Variants in RAB44 observed in about 807,000 individuals in gnomAD.
RAB44 encodes RAB44, member RAS oncogene family, also known as ras-related protein Rab-44.
In RAB44, 67 loss-of-function variants were observed where a neutral mutation model predicts 93.3. That is an observed-to-expected ratio of 0.72 (90% CI 0.59 to 0.88). RAB44 has a LOEUF of 0.88. Ranked by LOEUF, RAB44 falls within the 40% of genes least tolerant of loss-of-function variation. The pLI, the probability that RAB44 is intolerant of heterozygous loss-of-function variation, is 0.00. For synonymous variants in RAB44, 427 were observed against 520.3 expected (o/e 0.82, Z 2.44); for missense variants, 1,064 against 1,261.7 (o/e 0.84, Z 2.37).
In RAB44 at chr6:36,715,928, C is replaced by T. The variant is rs543835309; in HGVS notation, c.494+275C>T. ...GAGTCCTTCCCACCCCTGCACCTCC[C>T]GGCCCTGTCCTGCCCTGTAGGGTCA... On this transcript the variant is annotated intron_variant, in intron 4 of 13. Transcript: ENST00000612677. Among the ~76,000 whole-genome samples the T allele has an allele frequency of 5.9e-5, 9 of 152,302 alleles. No individual in the cohort carries two copies. The East Asian group carries it at 7.7e-4, about 13-fold the overall frequency.
rs1304569179 is a variant in RAB44, at chr6:36,697,884, G to A, written c.-44G>A. 1 of 152,382 alleles carries A rather than the reference G, an allele frequency of 6.6e-6. No homozygotes were observed. The highest frequency in any genetic ancestry group is 1.5e-5 in the Non-Finnish European group (1 of 68,164). 9.4% of individuals were successfully genotyped at this position (152,382 alleles called of 1,614,324 possible). A position where few individuals can be genotyped will look rare whatever the true frequency, so the allele number is the denominator to read the frequency against. ...CCCTACCACCAGGTCCCAGAGCCCA[G>A]GGCTGTGTGTTCCACTGGGAGCCTT... On this transcript the variant is annotated 5_prime_UTR_variant, in exon 1 of 14. Coordinates refer to ENST00000612677, the MANE Select transcript of RAB44 (RefSeq NM_001257357.2).
intron 2 of RAB44, among the ~76,000 whole-genome samples, chr6:36,707,882 T>A (rs1003442157): frequency 6.6e-6 from 1 of 152,190 alleles, no homozygotes; most frequent in Non-Finnish European, 1.5e-5. Context: ...AATTCTCTCC[T>A]GGGGTACAAT....
chr6:36,728,737 G>A lies in RAB44; in HGVS notation c.2834G>A (p.Gly945Glu). ...GATGGGGTGGTCATCCTTCTCCTGG[G>A]AAACAAGATGGACTGTGAGGAGGAA... ...GSDGVVILLLGNKMDCEEERQ... is the reference protein window; with the variant it reads ...GSDGVVILLLENKMDCEEERQ... Residue 945 changes from glycine to glutamate, a missense_variant, in exon 12 of 14, where the codon GGA becomes GAA. Physicochemically the swap from Gly to Glu is moderately conservative, Grantham distance 98. Transcript: ENST00000612677. 6.4e-7 allele frequency: 1 copy of A among 1,550,632 alleles called. No individual in the cohort carries two copies.
chr6:36,722,368 C>T lies in RAB44; in HGVS notation c.2234C>T (p.Ser745Phe). 7.4e-7 allele frequency: 1 copy of T among 1,348,106 alleles called. No individual in the cohort carries two copies. Among genetic ancestry groups the T allele is most frequent in the African/African-American group, 1.5e-5 (1 of 67,932 alleles). The allele number at this position is 1,348,106 out of a possible 1,614,324, so 83.5% of individuals were successfully genotyped here. A position where few individuals can be genotyped will look rare whatever the true frequency, so the allele number is the denominator to read the frequency against. ...TPGKSAPPRG[S>F]PPRGAQPGAG... ...GGAAAATCGGCACCTCCAAGGGGCTCTCCTCCCAGGGGGGCTCAGCCTGGG... is the reference window on the plus strand; with the variant it reads ...GGAAAATCGGCACCTCCAAGGGGCTTTCCTCCCAGGGGGGCTCAGCCTGGG... The change falls in exon 9 of 14, where the codon TCT becomes TTT. Residue 745 changes from serine to phenylalanine, a missense_variant. Transcript: ENST00000612677.
Position 36,730,680 on chromosome 6 carries a change from G to A in RAB44, c.2906G>A (p.Gly969Glu), listed in dbSNP as rs1035711426. 8.1e-7 allele frequency: 1 copy of A among 1,234,322 alleles called. No homozygotes were observed. The highest frequency in any genetic ancestry group is 1.0e-6 in the Non-Finnish European group (1 of 988,194). The allele number at this position is 1,234,322 out of a possible 1,614,324, so 76.5% of individuals were successfully genotyped here. A position where few individuals can be genotyped will look rare whatever the true frequency, so the allele number is the denominator to read the frequency against. Residue 969 changes from glycine to glutamate, a missense_variant, in exon 13 of 14, where the codon GGG becomes GAG. Transcript: ENST00000612677. ...EAGQQLAQEL[G>E]VYFGECSAAL... ...TCCCTGTCTGGCCTGCAGGAACTGG[G>A]GGTCTATTTTGGGGAGTGCAGTGCC...
At position 36,718,622 on chromosome 6, in the gene RAB44, G is replaced by A. The variant is rs1249335192; in HGVS notation, c.828+34G>A. 1.4e-5 allele frequency: 16 copies of A among 1,120,248 alleles called. No homozygotes were observed. The East Asian group carries it at 1.9e-4, about 13-fold the overall frequency. 69.4% of individuals were successfully genotyped at this position (1,120,248 alleles called of 1,614,324 possible). On this transcript the variant is annotated intron_variant, in intron 7 of 13. Transcript: ENST00000612677. The stretch of plus-strand genomic sequence containing the variant: ...TAGGGTTTCCCAGAAACCTACTTCC[G>A]AACAGGTCTTTAATATCTATGAACC...
At position 36,717,361 on chromosome 6, in the gene RAB44, A is replaced by C; in HGVS notation, c.583A>C (p.Thr195Pro). 2 of 1,232,140 alleles carry C rather than the reference A, an allele frequency of 1.6e-6. No homozygotes were observed. Among genetic ancestry groups the C allele is most frequent in the South Asian group, 4.1e-5 (1 of 24,310 alleles). 76.3% of individuals were successfully genotyped at this position (1,232,140 alleles called of 1,614,324 possible). The change falls in exon 5 of 14, where the codon ACC becomes CCC. Residue 195 changes from threonine to proline, a missense_variant. By Grantham distance (38) the Thr-to-Pro change is conservative. Coordinates refer to ENST00000612677, the MANE Select transcript of RAB44 (RefSeq NM_001257357.2). The surrounding 1 kb of genome is among the most constrained non-coding windows in gnomAD (Gnocchi z 4.1). The part of the protein sequence containing the change: ...GNLAGFLAKM[T>P]SRLQEAQADK... ...CCTGGCAGGCTTTCTGGCCAAGATGACCAGCCGCCTGCAGGAGGCCCAGGC... is the reference window on the plus strand; with the variant it reads ...CCTGGCAGGCTTTCTGGCCAAGATGCCCAGCCGCCTGCAGGAGGCCCAGGC...
intron 9 of RAB44, among the ~76,000 whole-genome samples, chr6:36,724,139 T>TTTTA (rs35704587): frequency 0.12 from 17,429 of 146,372 alleles, 1,131 homozygotes; most frequent in African/African-American, 0.16. Flanking sequence ...CATTATTTTA[T>TTTTA]TTTATTTATT....
Position 36,722,473 on chromosome 6 carries a change from C to A in RAB44, c.2339C>A (p.Thr780Lys), listed in dbSNP as rs750148205. 1.4e-5 allele frequency: 20 copies of A among 1,468,328 alleles called. No individual in the cohort carries two copies. Among genetic ancestry groups the A allele is most frequent in the Admixed American group, 2.4e-5 (1 of 41,482 alleles). 91.0% of individuals were successfully genotyped at this position (1,468,328 alleles called of 1,614,324 possible). Residue 780 changes from threonine (T) to lysine (K), a missense_variant, in exon 9 of 14, where the codon ACG (threonine) becomes AAG (lysine). By Grantham distance (78) the Thr-to-Lys change is moderately conservative. Transcript: ENST00000612677. ...GAAGCCCAACCCAGGCCATCCCTCACGACTGCTCACGCAGAAGAACAAGGC... is the reference window on the plus strand; with the variant it reads ...GAAGCCCAACCCAGGCCATCCCTCAAGACTGCTCACGCAGAAGAACAAGGC... ...EQEAQPRPSL[T>K]TAHAEEQGPP...
intron 2 of RAB44, among the ~76,000 whole-genome samples, chr6:36,712,514 A>G (rs1396932337): frequency 6.6e-6 from 1 of 152,056 alleles, no homozygotes; most frequent in African/African-American, 2.4e-5. Context: ...ACAGGCGCCC[A>G]CCACAATGCC....
chr6:36,728,693 T>C lies in RAB44; in HGVS notation c.2797-7T>C, dbSNP rs778605527. ...GGTGTGGCTGACAGAACATGTTCTG[T>C]GTGCAGGATGCAGGGTCGGATGGGG... On this transcript the variant is annotated splice_polypyrimidine_tract_variant and splice_region_variant and intron_variant, in intron 11 of 13. Transcript: ENST00000612677. 45 of 1,549,730 alleles carry C rather than the reference T, an allele frequency of 2.9e-5. No homozygotes were observed. Among genetic ancestry groups the C allele is most frequent in the Non-Finnish European group, 3.9e-5 (45 of 1,146,302 alleles).
chr6:36,705,686 T>C (rs1012457704), intron 2 of RAB44, among the ~76,000 whole-genome samples: 2 of 152,218 alleles, frequency 1.3e-5, no homozygotes, highest in Non-Finnish European at 2.9e-5. Context: ...CCCGGCCAGA[T>C]AATTTTTCTG....
intron 8 of RAB44, 69 bp downstream of exon 8, chr6:36,720,619 G>T: frequency 8.8e-7 from 1 of 1,140,234 alleles, no homozygotes; most frequent in Non-Finnish European, 1.1e-6. Flanking sequence ...GGAACTCTGA[G>T]TTCTCTAAGG....
intron 8 of RAB44, among the ~76,000 whole-genome samples, chr6:36,720,765 T>C (rs1220984656): frequency 6.6e-6 from 1 of 152,212 alleles, no homozygotes; most frequent in Admixed American, 6.5e-5. Context: ...CAAGGCCACA[T>C]GGCTAGAAGT....
intron 1 of RAB44, among the ~76,000 whole-genome samples, chr6:36,700,337 C>T (rs544045626): frequency 4.7e-4 from 72 of 152,330 alleles, no homozygotes; most frequent in Admixed American, 1.2e-3. Flanking sequence ...AGCAATGGGA[C>T]TGGAAGTCAC....
chr6:36,724,763 T>C lies in RAB44; in HGVS notation c.2600-1099T>C, dbSNP rs564248264. ...GAGATCCAAGTGCTTGGTCCAGATC[T>C]GTCCCAATCCCAAGCTATGGTTTGC... On this transcript the variant is annotated intron_variant, in intron 9 of 13. Coordinates refer to ENST00000612677, the MANE Select transcript of RAB44 (RefSeq NM_001257357.2). Among the ~76,000 whole-genome samples the C allele has an allele frequency of 3.3e-5, 5 of 152,320 alleles. No individual in the cohort carries two copies. The South Asian group carries it at 8.3e-4, about 25-fold the overall frequency.
chr6:36,718,256 T>C, intron 6 of RAB44, 138 bp downstream of exon 6: 1 of 543,816 alleles, frequency 1.8e-6, no homozygotes, highest in Non-Finnish European at 2.8e-6. Flanking sequence ...GAGCAGCTGG[T>C]GTTCCCCAGA....
rs758332381 is a variant in RAB44 at position 36,720,472 on chromosome 6, G to T, written c.938G>T (p.Arg313Leu). ...CTGGCTGGGCGGCTGGAGGAGGTGCGGGGGCAGCTGCAGGTGACCAGGGGG... is the reference window on the plus strand; with the variant it reads ...CTGGCTGGGCGGCTGGAGGAGGTGCTGGGGCAGCTGCAGGTGACCAGGGGG... Reference protein sequence around the residue: ...RDLAGRLEEVRGQLQVTRGRL... With the variant: ...RDLAGRLEEVLGQLQVTRGRL... The change falls in exon 8 of 14, where the codon CGG becomes CTG. Residue 313 changes from arginine to leucine, a missense_variant. Coordinates refer to ENST00000612677, the MANE Select transcript of RAB44 (RefSeq NM_001257357.2). 1 of 1,233,162 alleles carries T rather than the reference G, an allele frequency of 8.1e-7. No homozygotes were observed. Among genetic ancestry groups the T allele is most frequent in the East Asian group, 3.2e-5 (1 of 31,716 alleles). The allele number at this position is 1,233,162 out of a possible 1,614,324, so 76.4% of individuals were successfully genotyped here. A position where few individuals can be genotyped will look rare whatever the true frequency, so the allele number is the denominator to read the frequency against.
chr6:36,718,721 T>A, intron 7 of RAB44, 133 bp downstream of exon 7: 1 of 431,124 alleles, frequency 2.3e-6, no homozygotes, highest in Non-Finnish European at 3.9e-6. Flanking sequence ...AGATACTACA[T>A]GTGAGGGCCT....
Sources: allele counts gnomAD v4.1 joint callset (sites outside exome capture counted in the v4.1 genomes callset), GRCh38; gene constraint gnomAD v4.1.1; non-coding constraint Gnocchi (gnomAD v3.1); transcripts MANE v1.5; gene names NCBI Gene and HGNC (gene_info 2026-07-23, HGNC 2026-07-21).